Variants in SVIL observed in about 807,000 individuals in gnomAD.
The protein encoded by SVIL is supervillin.
SVIL carries 101 observed loss-of-function variants against 240.4 expected under a neutral mutation model. The observed-to-expected ratio is 0.42, with a 90% CI of 0.36 to 0.50. The LOEUF is 0.50. SVIL is among the 20% of genes least tolerant of loss of function. The pLI, the probability that SVIL is intolerant of heterozygous loss-of-function variation, is 0.01. For missense variants in SVIL, 2,512 were observed against 2,818.7 expected (o/e 0.89, Z 2.46); for synonymous variants, 999 against 1,100.0 (o/e 0.91, Z 1.82).
chr10:29,703,659 G>A (rs921494128), intron 1 of SVIL, among the ~76,000 whole-genome samples: 1 of 152,228 alleles, frequency 6.6e-6, no homozygotes, highest in Non-Finnish European at 1.5e-5. Context: ...GGGATTCTCA[G>A]GATTGCCTTC....
At chr10:29,631,458 A>G (rs931858733) in intron 1 of SVIL, among the ~76,000 whole-genome samples, 24 of 151,844 alleles carry the variant, frequency 1.6e-4, no homozygotes, top group Non-Finnish European at 3.4e-4. Context: ...CCTGACCAAC[A>G]TGGTGAAACC....
intron 6 of SVIL, among the ~76,000 whole-genome samples, chr10:29,543,477 T>A (rs529432372): frequency 6.6e-6 from 1 of 152,196 alleles, no homozygotes; most frequent in Non-Finnish European, 1.5e-5. Flanking sequence ...CTAAAACCCT[T>A]AGGTCTGTTT....
At chr10:29,657,509 C>CTTT (rs938444158) in intron 3 of SVIL, among the ~76,000 whole-genome samples, 1 of 152,096 alleles carries the variant, frequency 6.6e-6, no homozygotes, top group Non-Finnish European at 1.5e-5. Context: ...AGGGAACACA[C>CTTT]TTTGAGAACT....
At chr10:29,665,063 G>A (rs1009472108) in intron 2 of SVIL, among the ~76,000 whole-genome samples, 5 of 151,906 alleles carry the variant, frequency 3.3e-5, no homozygotes, top group African/African-American at 1.2e-4. Context: ...AACATAGTGA[G>A]ACCCTATGTA....
In SVIL at chr10:29,486,213, C is replaced by G. The variant is rs759999437; in HGVS notation, c.4651G>C (p.Glu1551Gln). The G allele has an allele frequency of 1.9e-6, 3 of 1,614,186 alleles. No individual in the cohort carries two copies. The highest frequency in any genetic ancestry group is 2.5e-6 in the Non-Finnish European group (3 of 1,180,032). ...TSYQSAGDPKEDELYEAAIIE... is the reference protein window; with the variant it reads ...TSYQSAGDPKQDELYEAAIIE... ...ATGGCTGCTTCATAGAGTTCATCTTCTTTTGGGTCTCCAGCAGCTTGGGGA... is the reference window on the plus strand; with the variant it reads ...ATGGCTGCTTCATAGAGTTCATCTTGTTTTGGGTCTCCAGCAGCTTGGGGA... The change falls in exon 26 of 38, where the codon GAA becomes CAA. Residue 1551 changes from glutamate (E) to glutamine (Q), a missense_variant. Transcript: ENST00000355867.
intron 3 of SVIL, 82 bp downstream of exon 3, chr10:29,563,119 G>A: frequency 3.0e-6 from 1 of 336,206 alleles, no homozygotes. Flanking sequence ...TGGAGGTTAG[G>A]GAGAGAGTTC....
intron 1 of SVIL, among the ~76,000 whole-genome samples, chr10:29,620,485 C>A (rs926730408): frequency 6.6e-6 from 1 of 152,060 alleles, no homozygotes; most frequent in Non-Finnish European, 1.5e-5. Context: ...GTCAACTGTG[C>A]GGTTATTTTA....
At chr10:29,613,618 G>C (rs566454079) in intron 1 of SVIL, among the ~76,000 whole-genome samples, 5 of 152,280 alleles carry the variant, frequency 3.3e-5, no homozygotes, top group African/African-American at 1.2e-4. Flanking sequence ...GATTACAGGC[G>C]TGGGGCCTGG....
intron 1 of SVIL, among the ~76,000 whole-genome samples, chr10:29,618,071 G>C (rs1206976279): frequency 6.6e-6 from 1 of 152,184 alleles, no homozygotes; most frequent in Admixed American, 6.5e-5. Context: ...ACACAGGCAG[G>C]AGACCACTGT....
chr10:29,554,778 C>A lies in SVIL; in HGVS notation c.160+5G>T. On this transcript the variant is annotated splice_donor_5th_base_variant and intron_variant, in intron 5 of 37. Transcript: ENST00000355867. The stretch of plus-strand genomic sequence containing the variant: ...GGAAAATGGGCCACCCAGCTCCACG[C>A]TCACCGATGTGGGGGCTGGCAGGGT... 6.3e-7 allele frequency: 1 copy of A among 1,582,428 alleles called. No homozygotes were observed. Among genetic ancestry groups the A allele is most frequent in the Non-Finnish European group, 8.6e-7 (1 of 1,166,024 alleles).
At chr10:29,560,321 G>C (rs1401281511) in intron 3 of SVIL, among the ~76,000 whole-genome samples, 2 of 152,208 alleles carry the variant, frequency 1.3e-5, no homozygotes, top group African/African-American at 4.8e-5. Context: ...GATGGAGGCA[G>C]AACTCTGAAT....
At chr10:29,477,324 G>A (rs920171230) in intron 29 of SVIL, among the ~76,000 whole-genome samples, 2 of 152,242 alleles carry the variant, frequency 1.3e-5, no homozygotes, top group African/African-American at 4.8e-5. Context: ...TTGCACCAGA[G>A]CCACCTATTT....
intron 36 of SVIL, among the ~76,000 whole-genome samples, chr10:29,459,655 A>C (rs1471483397): frequency 2.6e-5 from 4 of 152,164 alleles, no homozygotes; most frequent in African/African-American, 9.7e-5. Flanking sequence ...ATATGAACAA[A>C]CTATTCTGGG....
chr10:29,526,128 GT>G (rs1432603181), intron 13 of SVIL, among the ~76,000 whole-genome samples: 1 of 152,100 alleles, frequency 6.6e-6, no homozygotes, highest in Non-Finnish European at 1.5e-5. Context: ...ACTACAAATT[GT>G]TATTTTCCCA....
At chr10:29,592,395 A>C (rs1207118571) in intron 1 of SVIL, among the ~76,000 whole-genome samples, 1 of 152,246 alleles carries the variant, frequency 6.6e-6, no homozygotes, top group African/African-American at 2.4e-5. Context: ...ATATTTCACA[A>C]GGCAAGGGGC....
chr10:29,679,481 A>G (rs1407899901), intron 2 of SVIL, among the ~76,000 whole-genome samples: 2 of 152,188 alleles, frequency 1.3e-5, no homozygotes, highest in Non-Finnish European at 2.9e-5. Flanking sequence ...ACCTAAAACC[A>G]AAAGCATTGA....
chr10:29,734,343 G>A (rs777722425), intron 1 of SVIL, among the ~76,000 whole-genome samples: 1 of 152,080 alleles, frequency 6.6e-6, no homozygotes, highest in Non-Finnish European at 1.5e-5. Flanking sequence ...CCTGAACCCC[G>A]GGGTACAGCA....
At chr10:29,631,319 A>G (rs897463521) in intron 1 of SVIL, among the ~76,000 whole-genome samples, 2 of 152,244 alleles carry the variant, frequency 1.3e-5, no homozygotes, top group African/African-American at 4.8e-5. Context: ...CAAGGGATCC[A>G]TTAAGGGCAA....
chr10:29,688,038 T>C (rs1211345181), intron 1 of SVIL, among the ~76,000 whole-genome samples: 1 of 152,176 alleles, frequency 6.6e-6, no homozygotes, highest in Non-Finnish European at 1.5e-5. Context: ...GCAATGACAC[T>C]TTCCCCGGTA....
Sources: allele counts gnomAD v4.1 joint callset (sites outside exome capture counted in the v4.1 genomes callset), GRCh38; gene constraint gnomAD v4.1.1; transcripts MANE v1.5; gene names NCBI Gene and HGNC (gene_info 2026-07-23, HGNC 2026-07-21).